The following SPIDR variants were observed in gnomAD, a reference collection of about 807,000 sequenced individuals.
SPIDR encodes the protein scaffold protein involved in DNA repair.
Under a neutral mutation model 104.6 loss-of-function variants are expected in SPIDR, and 93 were observed. The observed-to-expected ratio is 0.89, with a 90% CI of 0.75 to 1.06. The LOEUF (loss-of-function observed/expected upper bound fraction) is 1.06. SPIDR is among the 50% of genes least tolerant of loss of function. The pLI is 0.00. For synonymous variants in SPIDR, 431 were observed against 416.9 expected (o/e 1.03, Z -0.41); for missense variants, 1,154 against 1,111.2 (o/e 1.04, Z -0.55).
chr8:47,333,609 A>T (rs1319674224), intron 5 of SPIDR, among the ~76,000 whole-genome samples: 1 of 152,134 alleles, frequency 6.6e-6, no homozygotes, highest in Admixed American at 6.6e-5. Context: ...GCCATGGAAT[A>T]TACTTCAAAA....
chr8:47,477,874 G>A (rs1554724563), intron 8 of SPIDR, among the ~76,000 whole-genome samples: 1 of 152,176 alleles, frequency 6.6e-6, no homozygotes, highest in East Asian at 1.9e-4. Context: ...AGGGGAGCAT[G>A]GGGAGGCAGA....
At chr8:47,700,515 C>G (rs1457326738) in intron 12 of SPIDR, 25 bp downstream of exon 12, 2 of 1,612,898 alleles carry the variant, frequency 1.2e-6, no homozygotes, top group Non-Finnish European at 1.7e-6. Flanking sequence ...GGAAAAACTT[C>G]CCCAGTCACA....
intron 5 of SPIDR, among the ~76,000 whole-genome samples, chr8:47,308,132 G>T (rs2043429819): frequency 6.6e-6 from 1 of 151,654 alleles, no homozygotes. Flanking sequence ...TGTGATCTCG[G>T]CTCACTGCAA....
At chr8:47,517,118 G>C (rs2083286328) in intron 8 of SPIDR, among the ~76,000 whole-genome samples, 1 of 151,956 alleles carries the variant, frequency 6.6e-6, no homozygotes, top group Non-Finnish European at 1.5e-5. Context: ...CCAAGTAGCT[G>C]GGATTACAGG....
intron 16 of SPIDR, among the ~76,000 whole-genome samples, chr8:47,725,846 T>C (rs1376951510): frequency 6.6e-6 from 1 of 152,260 alleles, no homozygotes; most frequent in Non-Finnish European, 1.5e-5. Context: ...CTTAATCCCA[T>C]ATAAATGTAA....
At chr8:47,529,427 A>G (rs1016630713) in intron 8 of SPIDR, among the ~76,000 whole-genome samples, 2 of 152,096 alleles carry the variant, frequency 1.3e-5, no homozygotes, top group African/African-American at 4.8e-5. Flanking sequence ...AAATAAATAA[A>G]TAAAATAAAA....
At chr8:47,597,235 C>CT (rs1172267997) in intron 9 of SPIDR, among the ~76,000 whole-genome samples, 3 of 151,560 alleles carry the variant, frequency 2.0e-5, no homozygotes, top group African/African-American at 7.3e-5. Flanking sequence ...TTTTTTTATA[C>CT]TTTAAGTTTT....
At chr8:47,694,416 A>G (rs1471976352) in intron 11 of SPIDR, among the ~76,000 whole-genome samples, 2 of 152,120 alleles carry the variant, frequency 1.3e-5, no homozygotes, top group Non-Finnish European at 1.5e-5. Context: ...GAGAGGGGAG[A>G]CAATCTAAAG....
intron 5 of SPIDR, among the ~76,000 whole-genome samples, chr8:47,384,936 A>T (rs1419723723): frequency 3.9e-5 from 6 of 152,164 alleles, no homozygotes; most frequent in African/African-American, 1.4e-4. Context: ...TACCCATGAG[A>T]TCACTTCTTG....
intron 8 of SPIDR, among the ~76,000 whole-genome samples, chr8:47,579,346 T>C (rs1035301574): frequency 6.6e-6 from 1 of 152,218 alleles, no homozygotes; most frequent in African/African-American, 2.4e-5. Flanking sequence ...ATGTGATTTA[T>C]TGTCTGTCTT....
chr8:47,424,263 A>G (rs1218978425), intron 7 of SPIDR, among the ~76,000 whole-genome samples: 6 of 152,198 alleles, frequency 3.9e-5, no homozygotes, highest in Admixed American at 2.0e-4. Context: ...TTTTTTCACA[A>G]TATGTTTGAT....
At chr8:47,289,247 G>A (rs1459801511) in intron 3 of SPIDR, among the ~76,000 whole-genome samples, 1 of 151,876 alleles carries the variant, frequency 6.6e-6, no homozygotes, top group Non-Finnish European at 1.5e-5. Flanking sequence ...GTTTCCTCAT[G>A]GTTTACTGTA....
intron 7 of SPIDR, among the ~76,000 whole-genome samples, chr8:47,439,423 T>C (rs1013067301): frequency 2.6e-5 from 4 of 152,232 alleles, no homozygotes; most frequent in African/African-American, 9.6e-5. Flanking sequence ...GACCTCTCCA[T>C]CTGATTCTTA....
intron 7 of SPIDR, among the ~76,000 whole-genome samples, chr8:47,417,123 A>C (rs1188656494): frequency 6.6e-6 from 1 of 152,168 alleles, no homozygotes; most frequent in African/African-American, 2.4e-5. Context: ...ATGATTTATA[A>C]TCCTTTGGGT....
At chr8:47,328,714 G>A (rs533910497) in intron 5 of SPIDR, among the ~76,000 whole-genome samples, 1 of 152,074 alleles carries the variant, frequency 6.6e-6, no homozygotes, top group African/African-American at 2.4e-5. Flanking sequence ...CTGCATGACA[G>A]TCTCTACCTT....
chr8:47,459,836 A>G (rs2073649445), intron 8 of SPIDR, among the ~76,000 whole-genome samples: 1 of 152,048 alleles, frequency 6.6e-6, no homozygotes, highest in Non-Finnish European at 1.5e-5. Context: ...AGGTTGTGTC[A>G]CTATTATCTT....
intron 8 of SPIDR, among the ~76,000 whole-genome samples, chr8:47,536,323 C>T (rs569331969): frequency 9.2e-5 from 14 of 152,020 alleles, no homozygotes; most frequent in Non-Finnish European, 1.5e-4. Flanking sequence ...TGCAAAATAC[C>T]TACAATAGCC....
intron 5 of SPIDR, among the ~76,000 whole-genome samples, chr8:47,303,085 C>A (rs893502754): frequency 6.6e-6 from 1 of 152,182 alleles, no homozygotes; most frequent in Non-Finnish European, 1.5e-5. Flanking sequence ...AGCTGTGGTG[C>A]GCTCCACCCA....
Position 47,626,878 on chromosome 8 carries a change from C to G in SPIDR, c.1544+27682C>G, listed in dbSNP as rs112576092. Among the ~76,000 whole-genome samples the G allele has an allele frequency of 8.5e-5, 13 of 152,200 alleles. No homozygotes were observed. In the East Asian group the frequency reaches 1.9e-3, roughly 23 times the overall value. The stretch of plus-strand genomic sequence containing the variant: ...AGAAATACCATTTGACCCAGCCATC[C>G]CATTACTGGGTATATACCCAAAGGA... On this transcript the variant is annotated intron_variant, in intron 10 of 19. Coordinates refer to ENST00000297423, the MANE Select transcript of SPIDR (RefSeq NM_001080394.4).
Sources: gnomAD v4.1 joint callset for allele counts (sites outside exome capture counted in the v4.1 genomes callset) on GRCh38, gnomAD v4.1.1 for gene constraint, MANE v1.5 for transcripts, NCBI Gene and HGNC (gene_info 2026-07-23, HGNC 2026-07-21) for gene names.